The following SAMD12 variants were observed in gnomAD, a reference collection of about 807,000 sequenced individuals.
SAMD12 encodes the protein sterile alpha motif domain containing 12.
Under a neutral mutation model 15.0 loss-of-function variants are expected in SAMD12, and 9 were observed. That is an observed-to-expected ratio of 0.60 (90% CI 0.36 to 1.05). The LOEUF is 1.05. SAMD12 is among the 50% of genes least tolerant of loss of function. SAMD12 has a pLI of 0.01. For missense variants in SAMD12, 230 were observed against 234.2 expected (o/e 0.98, Z 0.12); for synonymous variants, 86 against 90.1 (o/e 0.96, Z 0.25).
At chr8:118,569,954 T>A (rs1224925870) in intron 2 of SAMD12, among the ~76,000 whole-genome samples, 1 of 152,244 alleles carries the variant, frequency 6.6e-6, no homozygotes, top group Non-Finnish European at 1.5e-5. Flanking sequence ...AGGTTTTACT[T>A]GGCACCTGGT....
intron 4 of SAMD12, among the ~76,000 whole-genome samples, chr8:118,249,306 C>T (rs1812767457): frequency 6.6e-6 from 1 of 152,120 alleles, no homozygotes; most frequent in Admixed American, 6.5e-5. Flanking sequence ...TTATGCACAT[C>T]CTCCAGTATA....
At chr8:118,571,085 A>C (rs2131234799) in intron 2 of SAMD12, among the ~76,000 whole-genome samples, 1 of 152,300 alleles carries the variant, frequency 6.6e-6, no homozygotes, top group East Asian at 1.9e-4. Context: ...AGCATACAAT[A>C]ATACAATAAA....
chr8:118,246,353 T>C (rs1365106857), intron 4 of SAMD12, among the ~76,000 whole-genome samples: 1 of 152,164 alleles, frequency 6.6e-6, no homozygotes, highest in Admixed American at 6.6e-5. Context: ...GTGGAGCTTT[T>C]GTCTGCTTGT....
chr8:118,276,224 C>T (rs1368439549), intron 4 of SAMD12, among the ~76,000 whole-genome samples: 1 of 152,178 alleles, frequency 6.6e-6, no homozygotes, highest in African/African-American at 2.4e-5. Flanking sequence ...AAATTTCCTA[C>T]TATATTTTAG....
At chr8:118,373,557 T>C (rs1223257342), downstream of SAMD12, among the ~76,000 whole-genome samples, 2 of 152,178 alleles carry the variant, frequency 1.3e-5, no homozygotes, top group African/African-American at 4.8e-5. Flanking sequence ...GGAAAGTCCA[T>C]CTGGTTATGC....
the SAMD12 span, among the ~76,000 whole-genome samples, chr8:118,155,963 C>T: frequency 6.6e-6 from 1 of 152,140 alleles, no homozygotes; most frequent in Non-Finnish European, 1.5e-5. Flanking sequence ...TTCTATCCAG[C>T]ATTAAATTCT....
rs550168364 is a variant in SAMD12 at position 118,378,719 on chromosome 8, G to A, written c.*698C>T. 21 of 984,616 alleles carry A rather than the reference G, an allele frequency of 2.1e-5. No homozygotes were observed. The highest frequency in any genetic ancestry group is 2.3e-4 in the East Asian group (2 of 8,824). 61.0% of individuals were successfully genotyped at this position (984,616 alleles called of 1,614,324 possible). ...TCATTTAAAACGATGTACAATGGAC[G>A]CTAAAATAAAACAAATAAAGTTTAT... On this transcript the variant is annotated 3_prime_UTR_variant, in exon 4 of 4. Transcript: ENST00000314727.
the SAMD12 span, among the ~76,000 whole-genome samples, chr8:118,133,589 G>T: frequency 6.6e-6 from 1 of 152,056 alleles, no homozygotes. Flanking sequence ...TTTAGCTGTT[G>T]GTACTACTTC....
chr8:118,324,360 A>G (rs1816459859), intron 4 of SAMD12, among the ~76,000 whole-genome samples: 1 of 152,202 alleles, frequency 6.6e-6, no homozygotes, highest in African/African-American at 2.4e-5. Flanking sequence ...GGTGATCAAG[A>G]TTATAAATGT....
intron 4 of SAMD12, among the ~76,000 whole-genome samples, chr8:118,354,932 T>C (rs1036372579): frequency 6.6e-6 from 1 of 152,142 alleles, no homozygotes; most frequent in Non-Finnish European, 1.5e-5. Flanking sequence ...TAACCATAAA[T>C]ATTTCTCAGC....
intron 4 of SAMD12, among the ~76,000 whole-genome samples, chr8:118,364,152 G>T (rs1195089358): frequency 6.6e-6 from 1 of 152,124 alleles, no homozygotes; most frequent in Non-Finnish European, 1.5e-5. Context: ...TTATTCACAG[G>T]AGGTAGTACC....
chr8:118,231,243 A>G (rs1812304637), intron 4 of SAMD12, among the ~76,000 whole-genome samples: 1 of 152,190 alleles, frequency 6.6e-6, no homozygotes, highest in African/African-American at 2.4e-5. Context: ...GATCAAAGGA[A>G]GAAAGGAGTT....
chr8:118,379,245 G>A lies in SAMD12; in HGVS notation c.*172C>T, dbSNP rs2130710207. On this transcript the variant is annotated 3_prime_UTR_variant, in exon 4 of 4. Coordinates refer to ENST00000314727, the MANE Select transcript of SAMD12 (RefSeq NM_207506.3). ...TTATACAACTCTAGTGAGTGCAATC[G>A]TACCCTGATTGATGTGACTGGTATT... 5.6e-6 allele frequency: 8 copies of A among 1,423,564 alleles called. No individual in the cohort carries two copies. The highest frequency in any genetic ancestry group is 3.0e-5 in the South Asian group (2 of 66,468). 88.2% of individuals were successfully genotyped at this position (1,423,564 alleles called of 1,614,324 possible). A position where few individuals can be genotyped will look rare whatever the true frequency, so the allele number is the denominator to read the frequency against.
rs1812121373 is a variant in SAMD12 at position 118,223,350 on chromosome 8, C to T, written c.434-25618G>A. Among the ~76,000 whole-genome samples the T allele has an allele frequency of 2.0e-5, 3 of 152,210 alleles. No homozygotes were observed. In the South Asian group the frequency reaches 6.2e-4, roughly 32 times the overall value. The stretch of plus-strand genomic sequence containing the variant: ...TGCCTCATTCAAAGTCACACTAAGT[C>T]ACTCCCATGCTATCTCCTGTAGCAT... On this transcript the variant is annotated intron_variant, in intron 4 of 4. Coordinates refer to the SAMD12 transcript ENST00000409003.
At chr8:118,203,355 C>A in intron 4 of SAMD12, among the ~76,000 whole-genome samples, 1 of 151,410 alleles carries the variant, frequency 6.6e-6, no homozygotes, top group African/African-American at 2.4e-5. Context: ...GCACAAATGG[C>A]AATGTCTGGA....
At position 118,401,336 on chromosome 8, in the gene SAMD12, C is replaced by T. The variant is rs1000458633; in HGVS notation, c.323-21636G>A. Among the ~76,000 whole-genome samples, 14 of 152,086 alleles carry T rather than the reference C, an allele frequency of 9.2e-5. No individual in the cohort carries two copies. The East Asian group carries it at 1.9e-3, about 21-fold the overall frequency. ...AGCAATAGTCTTACTGGTTCCTTTTCGCCTCAGGTCCTACATATTTCTGCA... is the reference window on the plus strand; with the variant it reads ...AGCAATAGTCTTACTGGTTCCTTTTTGCCTCAGGTCCTACATATTTCTGCA... On this transcript the variant is annotated intron_variant, in intron 3 of 3. Transcript: ENST00000314727.
At chr8:118,484,424 G>A (rs1490447509) in intron 2 of SAMD12, among the ~76,000 whole-genome samples, 1 of 152,128 alleles carries the variant, frequency 6.6e-6, no homozygotes, top group Non-Finnish European at 1.5e-5. Context: ...CATATTTTAT[G>A]TTAAGTACTC....
intron 4 of SAMD12, among the ~76,000 whole-genome samples, chr8:118,351,029 G>A (rs1323573291): frequency 6.6e-6 from 1 of 152,164 alleles, no homozygotes; most frequent in African/African-American, 2.4e-5. Context: ...AGTGAAGAAT[G>A]CAAAATCTAC....
intron 4 of SAMD12, among the ~76,000 whole-genome samples, chr8:118,228,878 G>A (rs1044588880): frequency 6.6e-6 from 1 of 152,194 alleles, no homozygotes; most frequent in Non-Finnish European, 1.5e-5. Context: ...CTAAATCGCG[G>A]AACAAATACA....
Sources: gnomAD v4.1 joint callset for allele counts (sites outside exome capture counted in the v4.1 genomes callset) on GRCh38, gnomAD v4.1.1 for gene constraint, MANE v1.5 for transcripts, NCBI Gene and HGNC (gene_info 2026-07-23, HGNC 2026-07-21) for gene names.